RMDN1: variants seen among roughly 807,000 people sequenced by gnomAD.
RMDN1 encodes the protein regulator of microtubule dynamics protein 1.
A neutral mutation model predicts 48.9 loss-of-function variants in RMDN1; 48 were observed. That is an observed-to-expected ratio of 0.98 (90% CI 0.78 to 1.25). The LOEUF (loss-of-function observed/expected upper bound fraction) is 1.25, where lower values mean the gene tolerates loss of function less well. Ranked by LOEUF, RMDN1 falls within the 50% of genes most tolerant of loss-of-function variation. The pLI, the probability that RMDN1 is intolerant of heterozygous loss-of-function variation, is 0.00. For synonymous variants in RMDN1, 148 were observed against 132.6 expected (o/e 1.12, Z -0.80); for missense variants, 418 against 373.4 (o/e 1.12, Z -0.98).
chr8:86,506,214 T>C (rs1229670123), intron 2 of RMDN1, among the ~76,000 whole-genome samples: 2 of 152,236 alleles, frequency 1.3e-5, no homozygotes, highest in Non-Finnish European at 2.9e-5. Flanking sequence ...TATTTCTCCA[T>C]TTTGTGCTTT....
In RMDN1 at chr8:86,483,976, A is replaced by G. The variant is rs148472207; in HGVS notation, c.585+896T>C. On this transcript the variant is annotated intron_variant, in intron 5 of 9. Transcript: ENST00000406452. ...AAACACACATACAATATACACACAG[A>G]TATCAATCTTAAATAGAATTATTAC... Among the ~76,000 whole-genome samples the G allele has an allele frequency of 2.0e-3, 302 of 152,324 alleles. 3 individuals are homozygous for G. The highest frequency in any genetic ancestry group is 6.8e-3 in the Middle Eastern group (2 of 294).
chr8:86,486,722 A>C, intron 3 of RMDN1, 79 bp from the exon 4 acceptor site: 1 of 1,076,072 alleles, frequency 9.3e-7, no homozygotes, highest in Non-Finnish European at 1.3e-6. Flanking sequence ...TAATGAATAC[A>C]TTATGGTCTT....
upstream of RMDN1, chr8:86,508,814 C>A (rs1819869717): frequency 1.5e-6 from 2 of 1,293,050 alleles, no homozygotes; most frequent in Non-Finnish European, 2.0e-6. Context: ...GGAAATACCC[C>A]GATTGGGTGG....
chr8:86,484,262 TA>T (rs1165725935), intron 5 of RMDN1, among the ~76,000 whole-genome samples: 2 of 152,028 alleles, frequency 1.3e-5, no homozygotes, highest in African/African-American at 2.4e-5. Context: ...AACTAAGTGA[TA>T]AAAAAACAAG....
intron 2 of RMDN1, chr8:86,505,038 G>A (rs1819076781): frequency 1.4e-6 from 2 of 1,467,640 alleles, no homozygotes; most frequent in Non-Finnish European, 1.8e-6. Context: ...CAGCATCCAG[G>A]CTGCTAAGGA....
intron 4 of RMDN1, among the ~76,000 whole-genome samples, chr8:86,485,688 C>T (rs774633585): frequency 3.0e-4 from 46 of 152,070 alleles, no homozygotes; most frequent in Non-Finnish European, 5.9e-4. Context: ...ACCTTGTCTC[C>T]ACAGCCACAG....
chr8:86,507,831 A>G (rs1050382877), intron 1 of RMDN1, among the ~76,000 whole-genome samples: 1 of 152,224 alleles, frequency 6.6e-6, no homozygotes, highest in Non-Finnish European at 1.5e-5. Context: ...ATAATTCTGA[A>G]AGATTTTAAC....
At chr8:86,505,511 T>C in intron 2 of RMDN1, 1 of 329,248 alleles carries the variant, frequency 3.0e-6, no homozygotes. Flanking sequence ...TCCATATAGC[T>C]CTACAAGGCA....
chr8:86,491,799 A>C (rs1816550577), intron 2 of RMDN1, among the ~76,000 whole-genome samples: 1 of 152,192 alleles, frequency 6.6e-6, no homozygotes, highest in South Asian at 2.1e-4. Context: ...ATATGTTAGT[A>C]AACTTTGATT....
intron 8 of RMDN1, 48 bp downstream of exon 8, chr8:86,477,246 T>G (rs1489363367): frequency 7.6e-7 from 1 of 1,316,524 alleles, no homozygotes. Flanking sequence ...ATATTCAGCA[T>G]TCATACAATT....
intron 2 of RMDN1, among the ~76,000 whole-genome samples, chr8:86,502,137 T>TA (rs1229230779): frequency 2.0e-5 from 3 of 152,130 alleles, no homozygotes; most frequent in Non-Finnish European, 2.9e-5. Context: ...GTGAGGATTG[T>TA]AAAAAACAAA....
At chr8:86,486,397 GT>G in intron 4 of RMDN1, 86 bp downstream of exon 4, 1 of 925,086 alleles carries the variant, frequency 1.1e-6, no homozygotes, top group Non-Finnish European at 1.5e-6. Flanking sequence ...TAGAGAAATT[GT>G]TCTTCCAATG....
At chr8:86,481,899 TG>T in intron 5 of RMDN1, 2 of 776,140 alleles carry the variant, frequency 2.6e-6, no homozygotes, top group African/African-American at 1.8e-5. Flanking sequence ...TTCAACAAAG[TG>T]GGGTGGCTCG....
At chr8:86,485,378 T>A (rs1815298165) in intron 4 of RMDN1, among the ~76,000 whole-genome samples, 1 of 152,074 alleles carries the variant, frequency 6.6e-6, no homozygotes, top group Admixed American at 6.6e-5. Context: ...TGAGCCAAGA[T>A]CACACCACTG....
intron 2 of RMDN1, among the ~76,000 whole-genome samples, chr8:86,491,281 C>T (rs922466143): frequency 2.0e-5 from 3 of 151,890 alleles, no homozygotes; most frequent in African/African-American, 4.8e-5. Context: ...ACTACAGGTG[C>T]GCACCACCAC....
At chr8:86,480,162 G>T in intron 6 of RMDN1, 115 bp downstream of exon 6, 1 of 538,658 alleles carries the variant, frequency 1.9e-6, no homozygotes. Context: ...TCTAAGCTCT[G>T]TCAGATAATA....
At chr8:86,500,713 A>G (rs1186607580) in intron 2 of RMDN1, among the ~76,000 whole-genome samples, 1 of 152,104 alleles carries the variant, frequency 6.6e-6, no homozygotes, top group African/African-American at 2.4e-5. Flanking sequence ...AAGAAAAACA[A>G]ATTGTTCTAC....
At chr8:86,514,205 C>T (rs1350070886) in intron 1 of RMDN1, 3 of 956,798 alleles carry the variant, frequency 3.1e-6, no homozygotes, top group Non-Finnish European at 2.5e-6. Flanking sequence ...ATTATTTAAT[C>T]CTTAAGGAAT....
intron 2 of RMDN1, among the ~76,000 whole-genome samples, chr8:86,506,165 T>C (rs1171874436): frequency 1.3e-5 from 2 of 152,232 alleles, no homozygotes; most frequent in Non-Finnish European, 2.9e-5. Context: ...GCCATCCAAA[T>C]GAGAAACTTA....
Sources: allele counts gnomAD v4.1 joint callset (sites outside exome capture counted in the v4.1 genomes callset), GRCh38; gene constraint gnomAD v4.1.1; transcripts MANE v1.5; gene names NCBI Gene and HGNC (gene_info 2026-07-23, HGNC 2026-07-21).